MACROH2A1: variants seen among roughly 807,000 people sequenced by gnomAD.
MACROH2A1 encodes core histone macro-H2A.1.
In MACROH2A1, 2 loss-of-function variants were observed where a neutral mutation model predicts 31.6. That is an observed-to-expected ratio of 0.06 (90% CI 0.03 to 0.20). MACROH2A1 has a LOEUF of 0.20. Ranked by LOEUF, MACROH2A1 falls within the 10% of genes least tolerant of loss-of-function variation. The pLI, the probability that MACROH2A1 is intolerant of heterozygous loss-of-function variation, is 1.00. For missense variants in MACROH2A1, 230 were observed against 474.0 expected (o/e 0.49, Z 4.78); for synonymous variants, 169 against 189.6 (o/e 0.89, Z 0.89).
intron 5 of MACROH2A1, chr5:135,360,241 A>G (rs1323481337): frequency 1.9e-6 from 1 of 521,176 alleles, no homozygotes; most frequent in East Asian, 3.4e-5. Flanking sequence ...AAGGGTCCCC[A>G]TCTCCCACAG....
chr5:135,340,912 T>G (rs1380000023), intron 8 of MACROH2A1, among the ~76,000 whole-genome samples: 4 of 152,254 alleles, frequency 2.6e-5, no homozygotes, highest in African/African-American at 7.2e-5. Flanking sequence ...ACACATGTGC[T>G]GCCTTAGGCA....
At chr5:135,384,025 C>T (rs571907863) in intron 2 of MACROH2A1, among the ~76,000 whole-genome samples, 6 of 152,168 alleles carry the variant, frequency 3.9e-5, no homozygotes, top group Admixed American at 1.3e-4. Flanking sequence ...TTGAGTGTCC[C>T]GGATAGGAAG....
chr5:135,388,048 CAAA>C (rs55971554), intron 2 of MACROH2A1, among the ~76,000 whole-genome samples: 56 of 80,962 alleles, frequency 6.9e-4, no homozygotes, highest in African/African-American at 1.8e-3. Context: ...ATTGATACTT[CAAA>C]AAAAAAAAAA....
intron 2 of MACROH2A1, among the ~76,000 whole-genome samples, chr5:135,383,700 G>GGTGTGTGTGTGT (rs61338247): frequency 5.0e-4 from 68 of 137,222 alleles, no homozygotes; most frequent in East Asian, 2.7e-3. Flanking sequence ...GATGTGGTGT[G>GGTGTGTGTGTGT]GTGTGTGTGT....
At chr5:135,390,115 C>G (rs140052934) in intron 1 of MACROH2A1, among the ~76,000 whole-genome samples, 4 of 152,246 alleles carry the variant, frequency 2.6e-5, no homozygotes, top group Non-Finnish European at 5.9e-5. Flanking sequence ...AAGGTTCCCC[C>G]CAAATACCCT....
chr5:135,372,006 G>C (rs1043143108), intron 2 of MACROH2A1, among the ~76,000 whole-genome samples: 5 of 152,200 alleles, frequency 3.3e-5, no homozygotes, highest in Admixed American at 6.5e-5. Flanking sequence ...CTGAAAAATT[G>C]CTTGGCTACT....
chr5:135,359,993 G>C (rs1762625685), intron 5 of MACROH2A1: 1 of 704,082 alleles, frequency 1.4e-6, no homozygotes, highest in East Asian at 1.3e-4. Flanking sequence ...AGCTGGAAGA[G>C]TCATCTGGTG....
chr5:135,390,532 G>A (rs563003419), intron 1 of MACROH2A1, among the ~76,000 whole-genome samples: 175 of 152,324 alleles, frequency 1.1e-3, no homozygotes, highest in African/African-American at 3.9e-3. Flanking sequence ...AGTGCAGGGT[G>A]CTGGGAGAGG....
intron 1 of MACROH2A1, among the ~76,000 whole-genome samples, chr5:135,389,925 C>A (rs982776695): frequency 6.6e-6 from 1 of 152,216 alleles, no homozygotes; most frequent in Non-Finnish European, 1.5e-5. Flanking sequence ...AATCTGGGTA[C>A]ACACCCACCT....
At chr5:135,355,287 C>T (rs1226783261) in intron 5 of MACROH2A1, 1 of 455,870 alleles carries the variant, frequency 2.2e-6, no homozygotes, top group Non-Finnish European at 4.4e-6. Context: ...CCTTTGGACT[C>T]ACTACCTTCC....
chr5:135,378,961 T>C (rs563936887), intron 2 of MACROH2A1, among the ~76,000 whole-genome samples: 1 of 152,296 alleles, frequency 6.6e-6, no homozygotes, highest in South Asian at 2.1e-4. Flanking sequence ...TCAAGTTAAG[T>C]ACCCTCATTT....
chr5:135,354,975 AC>A, intron 5 of MACROH2A1: 1 of 421,308 alleles, frequency 2.4e-6, no homozygotes, highest in East Asian at 7.1e-5. Context: ...CTTTTAAGGC[AC>A]CTATAAATTC....
At chr5:135,350,276 C>T (rs1379384054) in intron 6 of MACROH2A1, among the ~76,000 whole-genome samples, 4 of 152,106 alleles carry the variant, frequency 2.6e-5, no homozygotes, top group Non-Finnish European at 5.9e-5. Context: ...TTTTCATGTA[C>T]CTGAAGTCTG....
intron 6 of MACROH2A1, chr5:135,351,445 G>A (rs1393890276): frequency 6.6e-6 from 1 of 151,218 alleles, no homozygotes; most frequent in Non-Finnish European, 1.5e-5. Context: ...ATATGTAGAG[G>A]ACTGCCTTTA....
intron 6 of MACROH2A1, 49 bp from the exon 7 acceptor site, chr5:135,346,106 C>T: frequency 9.6e-7 from 1 of 1,042,966 alleles, no homozygotes. Flanking sequence ...GTCTCCGGCA[C>T]ACACAGACAC....
chr5:135,383,245 G>C (rs1165163915), intron 2 of MACROH2A1, among the ~76,000 whole-genome samples: 1 of 152,246 alleles, frequency 6.6e-6, no homozygotes, highest in Non-Finnish European at 1.5e-5. Context: ...TATGTGGGGA[G>C]CACCTCCTAA....
At position 135,369,650 on chromosome 5, in the gene MACROH2A1, T is replaced by C. The variant is rs770475673; in HGVS notation, c.280-47A>G. 1 of 1,494,174 alleles carries C rather than the reference T, an allele frequency of 6.7e-7. No individual in the cohort carries two copies. The highest frequency in any genetic ancestry group is 9.3e-7 in the Non-Finnish European group (1 of 1,073,100). The allele number at this position is 1,494,174 out of a possible 1,614,324, so 92.6% of individuals were successfully genotyped here. A position where few individuals can be genotyped will look rare whatever the true frequency, so the allele number is the denominator to read the frequency against. On this transcript the variant is annotated intron_variant, in intron 3 of 8. Coordinates refer to ENST00000511689, the MANE Select transcript of MACROH2A1 (RefSeq NM_138610.3). The surrounding 1 kb of genome is among the most constrained non-coding windows in gnomAD (Gnocchi z 4.3). The stretch of plus-strand genomic sequence containing the variant: ...CAGATAGTGAGCCAGATACCCTGCT[T>C]CTAACCTTCAAGAAGCCAGCCCTGC...
At chr5:135,359,247 T>G in intron 5 of MACROH2A1, 1 of 985,346 alleles carries the variant, frequency 1.0e-6, no homozygotes, top group Non-Finnish European at 1.2e-6. Flanking sequence ...AGGGCTGAAC[T>G]GCTCTGTATT....
intron 7 of MACROH2A1, chr5:135,345,677 A>C: frequency 2.9e-6 from 1 of 339,140 alleles, no homozygotes; most frequent in Admixed American, 4.3e-5. Context: ...ACTCACTCTC[A>C]GCTCTTAGAT....
Sources: allele counts gnomAD v4.1 joint callset (sites outside exome capture counted in the v4.1 genomes callset), GRCh38; gene constraint gnomAD v4.1.1; non-coding constraint Gnocchi (gnomAD v3.1); transcripts MANE v1.5; gene names NCBI Gene and HGNC (gene_info 2026-07-23, HGNC 2026-07-21).